Variants in TRIL observed in about 807,000 individuals in gnomAD.
The protein encoded by TRIL is TLR4 interactor with leucine rich repeats.
A neutral mutation model predicts 43.0 loss-of-function variants in TRIL; 23 were observed. That is an observed-to-expected ratio of 0.54 (90% CI 0.39 to 0.76). The LOEUF is 0.76. Among genes scored for constraint, TRIL ranks in the 30% least tolerant of loss-of-function variants. TRIL has a pLI of 0.00. For missense variants in TRIL, 1,114 were observed against 1,139.3 expected, an observed-to-expected ratio of 0.98 and a Z score of 0.32; for synonymous variants, 602 against 556.8, an observed-to-expected ratio of 1.08 and a Z score of -1.14.
Position 28,958,324 on chromosome 7 carries a change from G to A in TRIL, c.-278C>T. 9.6e-6 allele frequency: 4 copies of A among 416,198 alleles called. No homozygotes were observed. Among genetic ancestry groups the A allele is most frequent in the Non-Finnish European group, 1.7e-5 (4 of 229,904 alleles). The allele number at this position is 416,198 out of a possible 1,614,324, so 25.8% of individuals were successfully genotyped here. On this transcript the variant is annotated 5_prime_UTR_variant, in exon 1 of 1. Coordinates refer to ENST00000539664, the MANE Select transcript of TRIL (RefSeq NM_014817.4). Reference sequence around the variant, plus strand: ...ACTGTTTCTCCGGGTGCGCGTCGGCGGGCGGGAGGAGGGAGCAAGACCCGG... The same window carrying A: ...ACTGTTTCTCCGGGTGCGCGTCGGCAGGCGGGAGGAGGGAGCAAGACCCGG...
At position 28,958,187 on chromosome 7, in the gene TRIL, C is replaced by T. The variant is rs914278406; in HGVS notation, c.-141G>A. The T allele has an allele frequency of 5.1e-4, 640 of 1,258,584 alleles. 2 individuals carry two copies. Among genetic ancestry groups the T allele is most frequent in the Non-Finnish European group, 3.6e-5 (34 of 946,784 alleles). The allele number at this position is 1,258,584 out of a possible 1,614,324, so 78.0% of individuals were successfully genotyped here. A position where few individuals can be genotyped will look rare whatever the true frequency, so the allele number is the denominator to read the frequency against. On this transcript the variant is annotated 5_prime_UTR_variant, in exon 1 of 1. Transcript: ENST00000539664. ...CAGCGCCGTCCAGCCCCTCCTCCGT[C>T]CTTTGTCCGGAGGCCGGCCCGGGTC...
Position 28,957,911 on chromosome 7 carries a change from G to T in TRIL, c.136C>A (p.Leu46Ile). 6.2e-7 allele frequency: 1 copy of T among 1,612,188 alleles called. No homozygotes were observed. The part of the protein sequence containing the change: ...PQHLLCTNRG[L>I]RVVPKTSSLP... ...GAGCTGGTCTTGGGCACTACGCGGA[G>T]CCCCCTGTTGGTGCACAGGAGATGC... Residue 46 changes from leucine (L) to isoleucine (I), a missense_variant, in exon 1 of 1, where the codon CTC becomes ATC. Physicochemically the swap from Leu to Ile is conservative, Grantham distance 5. Transcript: ENST00000539664.
In TRIL at chr7:28,957,545, C is replaced by G. The variant is rs1167167302; in HGVS notation, c.502G>C (p.Gly168Arg). 6.2e-7 allele frequency: 1 copy of G among 1,612,794 alleles called. No individual in the cohort carries two copies. The highest frequency in any genetic ancestry group is 8.5e-7 in the Non-Finnish European group (1 of 1,179,740). ...GCGAAGACCGCGTCCGGCAGCGCCC[C>G]CAGGGCGTTCCCGTCCAGCCGCAGC... is the stretch of plus-strand genomic sequence containing the variant. ...VKLRLDGNAL[G>R]ALPDAVFAPL... Residue 168 changes from glycine (G) to arginine (R), a missense_variant, in exon 1 of 1, where the codon GGG becomes CGG. By Grantham distance (125) the Gly-to-Arg change is moderately radical. Coordinates refer to ENST00000539664, the MANE Select transcript of TRIL (RefSeq NM_014817.4).
At position 28,956,899 on chromosome 7, in the gene TRIL, A is replaced by T; in HGVS notation, c.1148T>A (p.Leu383His). The change falls in exon 1 of 1, where the codon CTC (leucine) becomes CAC (histidine). Residue 383 changes from leucine (L) to histidine (H), a missense_variant. By Grantham distance (99) the Leu-to-His change is moderately conservative. Transcript: ENST00000539664. ...GCGACACTGCACGAAGACAGTGAGGAGCCGGCCCTGCGAGTGCCAGTCGCC... is the reference window on the plus strand; with the variant it reads ...GCGACACTGCACGAAGACAGTGAGGTGCCGGCCCTGCGAGTGCCAGTCGCC... ...WMGDWHSQGR[L>H]LTVFVQCRHP... 6.2e-7 allele frequency: 1 copy of T among 1,608,686 alleles called. No individual in the cohort carries two copies. Among genetic ancestry groups the T allele is most frequent in the Non-Finnish European group, 8.5e-7 (1 of 1,177,948 alleles).
chr7:28,956,489 GA>G lies in TRIL; in HGVS notation c.1557del (p.Pro520ArgfsTer71). ...GCGAGGGCGGGATCTGCCCGAGTCG[GA>G]CGGCCCCGCTGGGGCTTCTTGTGCA... The part of the protein sequence containing the change: ...LDLHKKPQRG[R>X]PTRADPALAE... On this transcript the variant is annotated frameshift_variant, in exon 1 of 1. Transcript: ENST00000539664. LOFTEE classifies it high-confidence loss of function. The G allele has an allele frequency of 6.4e-7, 1 of 1,569,356 alleles. No homozygotes were observed. Among genetic ancestry groups the G allele is most frequent in the Non-Finnish European group, 8.6e-7 (1 of 1,165,708 alleles).
Position 28,958,016 on chromosome 7 carries a change from G to T in TRIL, c.31C>A (p.Leu11Ile). Residue 11 changes from leucine (L) to isoleucine (I), a missense_variant, in exon 1 of 1, where the codon CTC becomes ATC. Coordinates refer to ENST00000539664, the MANE Select transcript of TRIL (RefSeq NM_014817.4). MEAARALRLLLVVCGCLALPP... is the reference protein window; with the variant it reads MEAARALRLLIVVCGCLALPP... ...AGCGCGAGGCAGCCGCACACCACGA[G>T]CAGGAGGCGCAAGGCGCGGGCAGCC... The T allele has an allele frequency of 6.3e-7, 1 of 1,582,802 alleles. No individual in the cohort carries two copies. Among genetic ancestry groups the T allele is most frequent in the Non-Finnish European group, 8.5e-7 (1 of 1,171,092 alleles).
In TRIL at chr7:28,956,865, CG is replaced by C; in HGVS notation, c.1181del (p.Pro394ArgfsTer30). The C allele has an allele frequency of 8.1e-6, 13 of 1,607,474 alleles. No individual in the cohort carries two copies. Among genetic ancestry groups the C allele is most frequent in the East Asian group, 2.2e-5 (1 of 44,672 alleles). On this transcript the variant is annotated frameshift_variant, in exon 1 of 1. Coordinates refer to ENST00000539664, the MANE Select transcript of TRIL (RefSeq NM_014817.4). LOFTEE classifies it high-confidence loss of function. ...AATCCAGGTATTTGCCTCGCAGGGC[CG>C]GGGGGTGGCGACACTGCACGAAGAC... ...LTVFVQCRHP[P>X]ALRGKYLDYL...
chr7:28,956,279 G>A lies in TRIL; in HGVS notation c.1768C>T (p.Leu590=), dbSNP rs1386456815. The part of the protein sequence containing the change: ...CDFNKFILCN[L]TVEAVGADSA... Reference sequence around the variant, plus strand: ...TCTGCGCCCACCGCCTCCACCGTCAGGTTGCACAGAATGAACTTGTTGAAG... The same window carrying A: ...TCTGCGCCCACCGCCTCCACCGTCAAGTTGCACAGAATGAACTTGTTGAAG... The change falls in exon 1 of 1, where the codon CTG becomes TTG. Residue 590 remains leucine (L), a synonymous_variant. Transcript: ENST00000539664. 5 of 1,549,096 alleles carry A rather than the reference G, an allele frequency of 3.2e-6. No homozygotes were observed. In the African/African-American group the frequency reaches 4.1e-5, roughly 13 times the overall value.
In TRIL at chr7:28,958,282, T is replaced by C. The variant is rs1783443227; in HGVS notation, c.-236A>G. ...CTCTGCAGACCCCGGGTACTACTTG[T>C]TGCATTTCTGTATAAAACTGTTTCT... is the stretch of plus-strand genomic sequence containing the variant. On this transcript the variant is annotated 5_prime_UTR_variant, in exon 1 of 1. Coordinates refer to ENST00000539664, the MANE Select transcript of TRIL (RefSeq NM_014817.4). 3 of 516,284 alleles carry C rather than the reference T, an allele frequency of 5.8e-6. No individual in the cohort carries two copies. The highest frequency in any genetic ancestry group is 5.1e-4 in the Middle Eastern group (1 of 1,942). 32.0% of individuals were successfully genotyped at this position (516,284 alleles called of 1,614,324 possible).
Position 28,955,487 on chromosome 7 carries a change from C to A in TRIL, c.*124G>T, listed in dbSNP as rs964249737. The A allele has an allele frequency of 7.4e-7, 1 of 1,356,330 alleles. No individual in the cohort carries two copies. The highest frequency in any genetic ancestry group is 9.7e-7 in the Non-Finnish European group (1 of 1,030,386). 84.0% of individuals were successfully genotyped at this position (1,356,330 alleles called of 1,614,324 possible). A position where few individuals can be genotyped will look rare whatever the true frequency, so the allele number is the denominator to read the frequency against. ...AATTGGGGGATGGTGCCCGAATTGGCCCTCTGTCCCCACCGGCCTCTCTGG... is the reference window on the plus strand; with the variant it reads ...AATTGGGGGATGGTGCCCGAATTGGACCTCTGTCCCCACCGGCCTCTCTGG... On this transcript the variant is annotated 3_prime_UTR_variant, in exon 1 of 1. Transcript: ENST00000539664.
At position 28,954,212 on chromosome 7, in the gene TRIL, G is replaced by A. The variant is rs1783363031; in HGVS notation, c.*1399C>T. ...ATGTACTTCATAAATAGCAGGGAAT[G>A]AAAGTATCCCAAATAGTTGGAAACA... On this transcript the variant is annotated 3_prime_UTR_variant, in exon 1 of 1. Transcript: ENST00000539664. 6.6e-6 allele frequency: 1 copy of A among 152,506 alleles called. No individual in the cohort carries two copies. Among genetic ancestry groups the A allele is most frequent in the Non-Finnish European group, 1.5e-5 (1 of 68,020 alleles). 9.4% of individuals were successfully genotyped at this position (152,506 alleles called of 1,614,324 possible). A position where few individuals can be genotyped will look rare whatever the true frequency, so the allele number is the denominator to read the frequency against.
At position 28,953,606 on chromosome 7, in the gene TRIL, T is replaced by C. The variant is rs1340049231; in HGVS notation, c.*2005A>G. On this transcript the variant is annotated 3_prime_UTR_variant, in exon 1 of 1. Coordinates refer to ENST00000539664, the MANE Select transcript of TRIL (RefSeq NM_014817.4). ...ATAGCTAGGAGATGCAATAGTGCTA[T>C]GATTGAAAAAAGCCAGGAGCACAAA... 1 of 152,212 alleles carries C rather than the reference T, an allele frequency of 6.6e-6. No individual in the cohort carries two copies. The highest frequency in any genetic ancestry group is 1.5e-5 in the Non-Finnish European group (1 of 68,050). 9.4% of individuals were successfully genotyped at this position (152,212 alleles called of 1,614,324 possible). A position where few individuals can be genotyped will look rare whatever the true frequency, so the allele number is the denominator to read the frequency against.
chr7:28,956,960 A>G lies in TRIL; in HGVS notation c.1087T>C (p.Cys363Arg). Residue 363 changes from cysteine to arginine, a missense_variant, in exon 1 of 1, where the codon TGC becomes CGC. Coordinates refer to ENST00000539664, the MANE Select transcript of TRIL (RefSeq NM_014817.4). ...RLDLDGNGWT[C>R]DCRLRGLKRW... ...TTCAGGCCTCGCAGCCGGCAGTCGC[A>G]GGTCCAGCCGTTGCCGTCTAGATCC... 6.3e-7 allele frequency: 1 copy of G among 1,589,578 alleles called. No homozygotes were observed. Among genetic ancestry groups the G allele is most frequent in the Non-Finnish European group, 8.5e-7 (1 of 1,169,940 alleles).
Position 28,956,488 on chromosome 7 carries a change from G to C in TRIL, c.1559C>G (p.Pro520Arg), listed in dbSNP as rs1319355941. The stretch of plus-strand genomic sequence containing the variant: ...CGCGAGGGCGGGATCTGCCCGAGTC[G>C]GACGGCCCCGCTGGGGCTTCTTGTG... ...DLHKKPQRGR[P>R]TRADPALAEP... Residue 520 changes from proline (P) to arginine (R), a missense_variant, in exon 1 of 1, where the codon CCG (proline) becomes CGG (arginine). Physicochemically the swap from Pro to Arg is moderately radical, Grantham distance 103. Transcript: ENST00000539664. 1.3e-6 allele frequency: 2 copies of C among 1,568,052 alleles called. No homozygotes were observed. Among genetic ancestry groups the C allele is most frequent in the African/African-American group, 1.4e-5 (1 of 73,566 alleles).
At position 28,956,855 on chromosome 7, in the gene TRIL, C is replaced by G. The variant is rs762984910; in HGVS notation, c.1192G>C (p.Gly398Arg). The G allele has an allele frequency of 2.5e-6, 4 of 1,607,314 alleles. No homozygotes were observed. Among genetic ancestry groups the G allele is most frequent in the Admixed American group, 3.4e-5 (2 of 59,554 alleles). Reference protein sequence around the residue: ...VQCRHPPALRGKYLDYLDDQQ... With the variant: ...VQCRHPPALRRKYLDYLDDQQ... ...TCATCCAGGTAATCCAGGTATTTGC[C>G]TCGCAGGGCCGGGGGGTGGCGACAC... The change falls in exon 1 of 1, where the codon GGC (glycine) becomes CGC (arginine). Residue 398 changes from glycine (G) to arginine (R), a missense_variant. Coordinates refer to ENST00000539664, the MANE Select transcript of TRIL (RefSeq NM_014817.4).
At position 28,957,391 on chromosome 7, in the gene TRIL, A is replaced by G. The variant is rs1460506414; in HGVS notation, c.656T>C (p.Leu219Pro). 1.2e-6 allele frequency: 2 copies of G among 1,613,338 alleles called. No homozygotes were observed. Among genetic ancestry groups the G allele is most frequent in the Non-Finnish European group, 1.7e-6 (2 of 1,179,858 alleles). Residue 219 changes from leucine (L) to proline (P), a missense_variant, in exon 1 of 1, where the codon CTG becomes CCG. Transcript: ENST00000539664. ...NLSANELQPS[L>P]RHAATFAPLR... is the part of the protein sequence containing the mutation. ...CGGTGCGAAGGTGGCCGCGTGGCGC[A>G]GGGAGGGCTGTAGCTCGTTGGCAGA... is the stretch of plus-strand genomic sequence containing the variant.
chr7:28,956,985 C>T lies in TRIL; in HGVS notation c.1062G>A (p.Leu354=). 3 of 1,584,742 alleles carry T rather than the reference C, an allele frequency of 1.9e-6. No individual in the cohort carries two copies. Among genetic ancestry groups the T allele is most frequent in the Non-Finnish European group, 2.6e-6 (3 of 1,166,164 alleles). Residue 354 remains leucine (L), a synonymous_variant, in exon 1 of 1, where the codon CTG becomes CTA. Transcript: ENST00000539664. ...AGGTCCAGCCGTTGCCGTCTAGATC[C>T]AGCCGATAAAGGGCTGGGCTGGCGG... is the stretch of plus-strand genomic sequence containing the variant. ...IFAASPALYR[L]DLDGNGWTCD...
rs1783370891 is a variant in TRIL at position 28,954,748 on chromosome 7, T to C, written c.*863A>G. ...CATCAGCTACATATACATCACATTCTTTTATCAAATCTGGCATTGAAATTT... is the reference window on the plus strand; with the variant it reads ...CATCAGCTACATATACATCACATTCCTTTATCAAATCTGGCATTGAAATTT... On this transcript the variant is annotated 3_prime_UTR_variant, in exon 1 of 1. Coordinates refer to ENST00000539664, the MANE Select transcript of TRIL (RefSeq NM_014817.4). 6.6e-6 allele frequency: 1 copy of C among 152,208 alleles called. No homozygotes were observed. The highest frequency in any genetic ancestry group is 2.4e-5 in the African/African-American group (1 of 41,452). The allele number at this position is 152,208 out of a possible 1,614,324, so 9.4% of individuals were successfully genotyped here. A position where few individuals can be genotyped will look rare whatever the true frequency, so the allele number is the denominator to read the frequency against.
Position 28,956,486 on chromosome 7 carries a change from T to G in TRIL, c.1561A>C (p.Thr521Pro). 6.4e-7 allele frequency: 1 copy of G among 1,566,364 alleles called. No individual in the cohort carries two copies. Among genetic ancestry groups the G allele is most frequent in the Non-Finnish European group, 8.6e-7 (1 of 1,164,260 alleles). Residue 521 changes from threonine (T) to proline (P), a missense_variant, in exon 1 of 1, where the codon ACT (threonine) becomes CCT (proline). Transcript: ENST00000539664. ...LHKKPQRGRP[T>P]RADPALAEPT... is the part of the protein sequence containing the mutation. ...TCCGCGAGGGCGGGATCTGCCCGAG[T>G]CGGACGGCCCCGCTGGGGCTTCTTG...
Sources: allele counts gnomAD v4.1 joint callset, GRCh38; gene constraint gnomAD v4.1.1; transcripts MANE v1.5; gene names NCBI Gene and HGNC (gene_info 2026-07-23, HGNC 2026-07-21).